EML5: variants seen among roughly 807,000 people sequenced by gnomAD.
The protein encoded by EML5 is echinoderm microtubule-associated protein-like 5.
In EML5, 120 loss-of-function variants were observed where a neutral mutation model predicts 250.0. That is an observed-to-expected ratio of 0.48 (90% CI 0.41 to 0.56). EML5 has a LOEUF of 0.56. Among genes scored for constraint, EML5 ranks in the 20% least tolerant of loss-of-function variants. The pLI is 0.00. For missense variants in EML5, 2,006 were observed against 2,437.6 expected (o/e 0.82, Z 3.73); for synonymous variants, 771 against 806.5 (o/e 0.96, Z 0.75).
rs1595156987 is a variant in EML5, at chr14:88,612,729, T to C, written c.*3089A>G. ...CTATAATTACAGAGATCAGATCAGATAGGTAAACTGCAAGATAGATAGGAT... is the reference window on the plus strand; with the variant it reads ...CTATAATTACAGAGATCAGATCAGACAGGTAAACTGCAAGATAGATAGGAT... On this transcript the variant is annotated 3_prime_UTR_variant, in exon 44 of 44. Coordinates refer to ENST00000554922, the MANE Select transcript of EML5 (RefSeq NM_183387.3). The C allele has an allele frequency of 6.6e-6, 1 of 152,634 alleles. No homozygotes were observed. The highest frequency in any genetic ancestry group is 2.4e-5 in the African/African-American group (1 of 41,456). The allele number at this position is 152,634 out of a possible 1,614,324, so 9.5% of individuals were successfully genotyped here. A position where few individuals can be genotyped will look rare whatever the true frequency, so the allele number is the denominator to read the frequency against.
intron 8 of EML5, among the ~76,000 whole-genome samples, chr14:88,718,786 T>C (rs979871792): frequency 1.3e-5 from 2 of 152,062 alleles, no homozygotes; most frequent in African/African-American, 4.8e-5. Context: ...GTTTGAGGCA[T>C]GAAACTTAAG....
intron 32 of EML5, among the ~76,000 whole-genome samples, chr14:88,637,875 A>G (rs1049129689): frequency 3.9e-5 from 6 of 152,186 alleles, no homozygotes; most frequent in African/African-American, 1.4e-4. Context: ...TTTCTGTATA[A>G]TGGGTAATGT....
At chr14:88,625,407 T>C in intron 35 of EML5, 1 of 278,738 alleles carries the variant, frequency 3.6e-6, no homozygotes, top group South Asian at 6.4e-5. Flanking sequence ...GGGTTTATTT[T>C]TTATTTTTTT....
At chr14:88,624,679 C>A (rs2089645316) in intron 36 of EML5, 2 of 280,192 alleles carry the variant, frequency 7.1e-6, no homozygotes, top group Non-Finnish European at 1.3e-5. Flanking sequence ...TCCTACTCAG[C>A]AAATCATACA....
intron 10 of EML5, among the ~76,000 whole-genome samples, chr14:88,707,095 C>G (rs1189935463): frequency 6.6e-6 from 1 of 151,958 alleles, no homozygotes; most frequent in East Asian, 1.9e-4. Flanking sequence ...TGGGTAAGGG[C>G]AATGTTGTAT....
chr14:88,617,974 T>C (rs1772496255), intron 41 of EML5: 2 of 283,518 alleles, frequency 7.1e-6, no homozygotes, highest in Non-Finnish European at 1.3e-5. Flanking sequence ...TTAAGAAAAA[T>C]ATCAGGGTAT....
rs2140914820 is a variant in EML5, at chr14:88,792,581, C to T, written c.-78G>A. 1 of 1,199,126 alleles carries T rather than the reference C, an allele frequency of 8.3e-7. No individual in the cohort carries two copies. Among genetic ancestry groups the T allele is most frequent in the Non-Finnish European group, 1.0e-6 (1 of 964,876 alleles). The allele number at this position is 1,199,126 out of a possible 1,614,324, so 74.3% of individuals were successfully genotyped here. On this transcript the variant is annotated 5_prime_UTR_variant, in exon 1 of 44. Transcript: ENST00000554922. The surrounding 1 kb of genome is among the most constrained non-coding windows in gnomAD (Gnocchi z 6.9). ...CGGCGGCGGCCCGGCAACGAAAGCC[C>T]TCCCGCTGGCTGCCGGGACTTCCCG...
chr14:88,708,251 C>T (rs2093350103), intron 10 of EML5, among the ~76,000 whole-genome samples: 1 of 151,916 alleles, frequency 6.6e-6, no homozygotes, highest in Non-Finnish European at 1.5e-5. Context: ...TAAAAGTGAA[C>T]CTAGATATCA....
intron 11 of EML5, 163 bp from the exon 12 acceptor site, chr14:88,705,751 T>C: frequency 1.5e-6 from 1 of 680,926 alleles, no homozygotes; most frequent in South Asian, 1.6e-5. Context: ...CAGTAAACTG[T>C]ACTACAGATT....
intron 1 of EML5, among the ~76,000 whole-genome samples, chr14:88,778,964 T>C (rs898746474): frequency 1.3e-5 from 2 of 152,222 alleles, no homozygotes; most frequent in African/African-American, 4.8e-5. Flanking sequence ...GTTAGGAGCC[T>C]ATGTGATGAA....
At position 88,726,401 on chromosome 14, in the gene EML5, A is replaced by C. The variant is rs543197660; in HGVS notation, c.1187+140T>G. 1.4e-5 allele frequency: 7 copies of C among 514,660 alleles called. No homozygotes were observed. The East Asian group carries it at 1.4e-4, about 10-fold the overall frequency. 31.9% of individuals were successfully genotyped at this position (514,660 alleles called of 1,614,324 possible). A position where few individuals can be genotyped will look rare whatever the true frequency, so the allele number is the denominator to read the frequency against. ...TTGATGAAATTAACATCTGAAATATATTAATAAGAAGGGGAAGAGAAAAGG... is the reference window on the plus strand; with the variant it reads ...TTGATGAAATTAACATCTGAAATATCTTAATAAGAAGGGGAAGAGAAAAGG... On this transcript the variant is annotated intron_variant, in intron 8 of 43. Coordinates refer to ENST00000554922, the MANE Select transcript of EML5 (RefSeq NM_183387.3).
At chr14:88,678,462 T>A (rs1013697775) in intron 21 of EML5, among the ~76,000 whole-genome samples, 8 of 151,874 alleles carry the variant, frequency 5.3e-5, no homozygotes, top group African/African-American at 1.7e-4. Context: ...TAAAAAAAAA[T>A]TTTAAAGCCA....
chr14:88,682,363 G>A (rs2092731807), intron 20 of EML5, among the ~76,000 whole-genome samples: 1 of 151,206 alleles, frequency 6.6e-6, no homozygotes, highest in South Asian at 2.1e-4. Flanking sequence ...GAGAGAGTGA[G>A]GAGCTCCACA....
In EML5 at chr14:88,649,925, G is replaced by A; in HGVS notation, c.4006C>T (p.Gln1336Ter). The change falls in exon 28 of 44, where the codon CAG (glutamine) becomes TAG (stop). Residue 1336 changes from glutamine to a stop codon, truncating the protein, a stop_gained and splice_region_variant. Coordinates refer to ENST00000554922, the MANE Select transcript of EML5 (RefSeq NM_183387.3). LOFTEE classifies it high-confidence loss of function. ...TAAAACACTTACCTTACTACTCCCT[G>A]CCTTCAAAAGGAGCAAGGGGGAAAA... ...QQKEPSIDER[Q>*]GVVRGSRPPV... is the part of the protein sequence containing the mutation. 1 of 1,485,070 alleles carries A rather than the reference G, an allele frequency of 6.7e-7. No individual in the cohort carries two copies. The highest frequency in any genetic ancestry group is 8.9e-7 in the Non-Finnish European group (1 of 1,117,512). 92.0% of individuals were successfully genotyped at this position (1,485,070 alleles called of 1,614,324 possible).
chr14:88,674,582 G>A (rs573269275), intron 21 of EML5, among the ~76,000 whole-genome samples: 30 of 152,130 alleles, frequency 2.0e-4, no homozygotes, highest in African/African-American at 5.8e-4. Flanking sequence ...ATGTGAATTC[G>A]AGATGAGATT....
chr14:88,729,238 G>A (rs1414021755), intron 7 of EML5, among the ~76,000 whole-genome samples: 5 of 152,006 alleles, frequency 3.3e-5, no homozygotes, highest in Non-Finnish European at 5.9e-5. Context: ...CTAGTCTATA[G>A]CTGAACAGAA....
chr14:88,644,869 C>A (rs983744992), intron 29 of EML5: 30 of 163,414 alleles, frequency 1.8e-4, no homozygotes, highest in South Asian at 3.4e-4. Flanking sequence ...TGCCACCACA[C>A]CAGATAATTT....
intron 20 of EML5, among the ~76,000 whole-genome samples, chr14:88,683,632 C>T (rs1004267558): frequency 6.6e-6 from 1 of 152,152 alleles, no homozygotes; most frequent in Non-Finnish European, 1.5e-5. Flanking sequence ...TTACATATCA[C>T]AACCAAGTGG....
In EML5 at chr14:88,758,738, A is replaced by G. The variant is rs916354891; in HGVS notation, c.198-4067T>C. On this transcript the variant is annotated intron_variant, in intron 1 of 43. Transcript: ENST00000554922. ...CTTGTACACAAATGTTCACAGCAGCATCATTCACAAATGGCCAAAAAGTAG... is the reference window on the plus strand; with the variant it reads ...CTTGTACACAAATGTTCACAGCAGCGTCATTCACAAATGGCCAAAAAGTAG... Among the ~76,000 whole-genome samples, 7 of 152,248 alleles carry G rather than the reference A, an allele frequency of 4.6e-5. No homozygotes were observed. The South Asian group carries it at 1.4e-3, about 31-fold the overall frequency.
Sources: allele counts gnomAD v4.1 joint callset (sites outside exome capture counted in the v4.1 genomes callset), GRCh38; gene constraint gnomAD v4.1.1; non-coding constraint Gnocchi (gnomAD v3.1); transcripts MANE v1.5; gene names NCBI Gene and HGNC (gene_info 2026-07-23, HGNC 2026-07-21).